Variants in CHAT observed in about 807,000 individuals in gnomAD.
The protein encoded by CHAT is choline O-acetyltransferase, also known as acetyl CoA:choline O-acetyltransferase.
Under a neutral mutation model 76.9 loss-of-function variants are expected in CHAT, and 61 were observed. The observed-to-expected ratio is 0.79, with a 90% CI of 0.65 to 0.98. The LOEUF is 0.98. Ranked by LOEUF, CHAT falls within the 50% of genes least tolerant of loss-of-function variation. CHAT has a pLI of 0.00. For synonymous variants in CHAT, 407 were observed against 397.4 expected, an observed-to-expected ratio of 1.02 and a Z score of -0.29; for missense variants, 946 against 986.9, an observed-to-expected ratio of 0.96 and a Z score of 0.56.
upstream of CHAT, chr10:49,612,325 T>C (rs758618535): frequency 1.4e-5 from 23 of 1,591,166 alleles, no homozygotes; most frequent in South Asian, 2.4e-4. Context: ...CAACTACTAC[T>C]ACACCCGCAG....
At chr10:49,633,750 C>T (rs1418767416) in intron 7 of CHAT, among the ~76,000 whole-genome samples, 1 of 152,142 alleles carries the variant, frequency 6.6e-6, no homozygotes, top group Non-Finnish European at 1.5e-5. Context: ...GGAGAGCCCC[C>T]CAGCCCTCTG....
At chr10:49,625,050 G>A (rs1292896567) in intron 5 of CHAT, among the ~76,000 whole-genome samples, 1 of 152,070 alleles carries the variant, frequency 6.6e-6, no homozygotes, top group Admixed American at 6.5e-5. Context: ...TGAGACCAGA[G>A]GGAAAAAGAA....
intron 1 of CHAT, chr10:49,615,806 C>T (rs1250110500): frequency 7.2e-6 from 4 of 553,644 alleles, no homozygotes; most frequent in Non-Finnish European, 9.6e-6. Context: ...CCTGGCTGCC[C>T]AGCCTCCCTG....
chr10:49,630,655 G>C (rs1834162508), intron 7 of CHAT, among the ~76,000 whole-genome samples: 1 of 152,210 alleles, frequency 6.6e-6, no homozygotes. Context: ...TTTAGGAGGA[G>C]AGACAAATGT....
At chr10:49,613,459 A>C (rs1245906880), upstream of CHAT, among the ~76,000 whole-genome samples, 1 of 152,188 alleles carries the variant, frequency 6.6e-6, no homozygotes, top group African/African-American at 2.4e-5. Context: ...GCAACACTCC[A>C]TGTCCCGAAG....
chr10:49,632,131 G>A (rs995516773), intron 7 of CHAT, among the ~76,000 whole-genome samples: 15 of 152,100 alleles, frequency 9.9e-5, no homozygotes, highest in East Asian at 1.9e-4. Context: ...GCAGGGGAGC[G>A]GGCACCTCAG....
At chr10:49,653,788 C>G (rs920758754) in intron 11 of CHAT, among the ~76,000 whole-genome samples, 7 of 152,258 alleles carry the variant, frequency 4.6e-5, no homozygotes, top group African/African-American at 1.7e-4. Context: ...GGTCAGCATC[C>G]TGCCAGAGCC....
rs542139682 is a variant in CHAT at position 49,615,993 on chromosome 10, G to A, written c.287-509G>A. 371 of 1,590,152 alleles carry A rather than the reference G, an allele frequency of 2.3e-4. 1 individual carries two copies. The highest frequency in any genetic ancestry group is 2.9e-4 in the Non-Finnish European group (338 of 1,158,346). On this transcript the variant is annotated intron_variant, in intron 1 of 14. Transcript: ENST00000337653. ...GCCTTAAAGGCCTCCATTCACCCACGCATGCATTCCTTTCCCTCCACCAAC... is the reference window on the plus strand; with the variant it reads ...GCCTTAAAGGCCTCCATTCACCCACACATGCATTCCTTTCCCTCCACCAAC...
In CHAT at chr10:49,614,478, G is replaced by A. The variant is rs1838406337; in HGVS notation, c.286+3G>A. Reference sequence around the variant, plus strand: ...GGCAGCAGAGCCGAGGAGAGCAGGTGAGAAGAAGGGCTGGGCTGGGCTGGC... The same window carrying A: ...GGCAGCAGAGCCGAGGAGAGCAGGTAAGAAGAAGGGCTGGGCTGGGCTGGC... On this transcript the variant is annotated splice_donor_region_variant and intron_variant, in intron 1 of 14. Coordinates refer to ENST00000337653, the MANE Select transcript of CHAT (RefSeq NM_020549.5). The A allele has an allele frequency of 1.9e-6, 3 of 1,544,504 alleles. No homozygotes were observed. The highest frequency in any genetic ancestry group is 2.4e-5 in the South Asian group (2 of 83,976).
rs116115753 is a variant in CHAT, at chr10:49,618,839, G to A, written c.388-886G>A. ...TCCTCTGGAAGTATAAGATAGCGAG[G>A]TCATAACATTTTAGATGTGCCTATT... On this transcript the variant is annotated intron_variant, in intron 2 of 14. Transcript: ENST00000337653. Among the ~76,000 whole-genome samples the A allele has an allele frequency of 3.2e-3, 492 of 152,322 alleles. 3 individuals are homozygous for A. The highest frequency in any genetic ancestry group is 0.011 in the African/African-American group (441 of 41,576).
At chr10:49,624,096 C>G (rs1011841803) in intron 5 of CHAT, among the ~76,000 whole-genome samples, 1 of 152,244 alleles carries the variant, frequency 6.6e-6, no homozygotes, top group Admixed American at 6.5e-5. Context: ...TGGAGCCCCA[C>G]AGGACCTGGC....
Position 49,648,552 on chromosome 10 carries a change from T to C in CHAT, c.1327T>C (p.Ser443Pro). ...CACCTGCGGTGTGGTGTGCGAACAC[T>C]CCCCATTCGATGGCATCGTCCTGGT... ...DGTCGVVCEHSPFDGIVLVQC... is the reference protein window; with the variant it reads ...DGTCGVVCEHPPFDGIVLVQC... Residue 443 changes from serine to proline, a missense_variant, in exon 9 of 15, where the codon TCC (serine) becomes CCC (proline). By Grantham distance (74) the Ser-to-Pro change is moderately conservative (BLOSUM62 -1). Coordinates refer to ENST00000337653, the MANE Select transcript of CHAT (RefSeq NM_020549.5). 6.2e-7 allele frequency: 1 copy of C among 1,614,044 alleles called. No individual in the cohort carries two copies. The highest frequency in any genetic ancestry group is 8.5e-7 in the Non-Finnish European group (1 of 1,179,972).
Position 49,616,239 on chromosome 10 carries a change from T to C in CHAT, c.287-263T>C, listed in dbSNP as rs1286352303. ...ATTGCCCCAGGGTGGTCAGCTGGCC[T>C]TGGGTGACAACAGACTCATGAGAGC... On this transcript the variant is annotated intron_variant, in intron 1 of 14. Transcript: ENST00000337653. 10 of 854,246 alleles carry C rather than the reference T, an allele frequency of 1.2e-5. No homozygotes were observed. The African/African-American group carries it at 1.3e-4, about 11-fold the overall frequency. 52.9% of individuals were successfully genotyped at this position (854,246 alleles called of 1,614,324 possible).
intron 7 of CHAT, among the ~76,000 whole-genome samples, chr10:49,645,859 G>C (rs778200919): frequency 1.3e-5 from 2 of 152,158 alleles, no homozygotes; most frequent in African/African-American, 2.4e-5. Context: ...AGCTCCTTTG[G>C]ATCCATGAGT....
chr10:49,648,944 GC>G (rs1839777295), intron 9 of CHAT, among the ~76,000 whole-genome samples: 1 of 152,180 alleles, frequency 6.6e-6, no homozygotes, highest in Non-Finnish European at 1.5e-5. Flanking sequence ...GCCCACGGCT[GC>G]CCCAGCACAG....
intron 2 of CHAT, 52 bp from the exon 3 acceptor site, chr10:49,619,673 G>A: frequency 6.4e-7 from 1 of 1,570,534 alleles, no homozygotes; most frequent in South Asian, 1.1e-5. Flanking sequence ...CTTGGGGACA[G>A]GCATGGGGCG....
intron 13 of CHAT, among the ~76,000 whole-genome samples, chr10:49,658,083 TA>T (rs1239352736): frequency 2.6e-5 from 4 of 152,206 alleles, no homozygotes; most frequent in African/African-American, 9.6e-5. Context: ...AAAATCTTTT[TA>T]AAAAAACTTA....
intron 10 of CHAT, 27 bp downstream of exon 10, chr10:49,649,663 G>A (rs1212182988): frequency 1.2e-6 from 2 of 1,613,224 alleles, no homozygotes; most frequent in Non-Finnish European, 1.7e-6. Context: ...TCTCCTTTGA[G>A]GGGTCCCCTA....
intron 7 of CHAT, among the ~76,000 whole-genome samples, chr10:49,632,041 C>G (rs891076151): frequency 1.3e-5 from 2 of 152,050 alleles, no homozygotes; most frequent in African/African-American, 4.8e-5. Context: ...GAAGCAGGAA[C>G]AGTAGAAGGA....
Sources: allele counts gnomAD v4.1 joint callset (sites outside exome capture counted in the v4.1 genomes callset), GRCh38; gene constraint gnomAD v4.1.1; transcripts MANE v1.5; gene names NCBI Gene and HGNC (gene_info 2026-07-23, HGNC 2026-07-21).